Variants in MGAT4C observed in about 807,000 individuals in gnomAD.
The protein encoded by MGAT4C is alpha-1,3-mannosyl-glycoprotein 4-beta-N-acetylglucosaminyltransferase C.
A neutral mutation model predicts 40.1 loss-of-function variants in MGAT4C; 19 were observed. That is an observed-to-expected ratio of 0.47 (90% CI 0.33 to 0.70). The LOEUF is 0.70. Ranked by LOEUF, MGAT4C falls within the 30% of genes least tolerant of loss-of-function variation. The probability of loss-of-function intolerance (pLI) is 0.02; values close to 1 mark genes in which losing one functional copy is unlikely to be tolerated. For missense variants in MGAT4C, 491 were observed against 563.2 expected (o/e 0.87, Z 1.30); for synonymous variants, 181 against 187.1 (o/e 0.97, Z 0.27).
chr12:86,031,097 C>T (rs1890717071), intron 2 of MGAT4C, among the ~76,000 whole-genome samples: 1 of 151,338 alleles, frequency 6.6e-6, no homozygotes, highest in East Asian at 1.9e-4. Context: ...TGGTTCTCTT[C>T]ACATTATAAA....
intron 3 of MGAT4C, among the ~76,000 whole-genome samples, chr12:86,426,117 G>C (rs370206415): frequency 6.6e-6 from 1 of 151,994 alleles, no homozygotes; most frequent in Non-Finnish European, 1.5e-5. Context: ...AACTTATTTT[G>C]CAGTCATTCA....
chr12:86,512,741 G>T (rs1958613091), intron 2 of MGAT4C, among the ~76,000 whole-genome samples: 1 of 152,060 alleles, frequency 6.6e-6, no homozygotes, highest in Admixed American at 6.6e-5. Context: ...ACTCACAGAA[G>T]CAGAGGGTAG....
At chr12:86,550,955 C>A (rs138529370) in intron 2 of MGAT4C, among the ~76,000 whole-genome samples, 4 of 152,312 alleles carry the variant, frequency 2.6e-5, no homozygotes, top group African/African-American at 9.6e-5. Context: ...ATAATCAGGG[C>A]CGGGGAAACA....
In MGAT4C at chr12:86,389,665, C is replaced by T. The variant is rs193051502; in HGVS notation, c.-120+45492G>A. Among the ~76,000 whole-genome samples the T allele has an allele frequency of 3.8e-3, 581 of 152,210 alleles. 1 individual carries two copies. The highest frequency in any genetic ancestry group is 6.3e-3 in the Admixed American group (97 of 15,284). The stretch of plus-strand genomic sequence containing the variant: ...ACTAATTTACCCTAACAGTGTATAA[C>T]CAGAACTTGTAAATTATAAGGTGAA... On this transcript the variant is annotated intron_variant, in intron 3 of 7. Transcript: ENST00000548651.
intron 2 of MGAT4C, among the ~76,000 whole-genome samples, chr12:86,571,464 G>A (rs533338746): frequency 1.3e-5 from 2 of 152,114 alleles, no homozygotes; most frequent in Admixed American, 1.3e-4. Context: ...ATGCATTAAA[G>A]AAAACCTTGT....
intron 2 of MGAT4C, among the ~76,000 whole-genome samples, chr12:86,700,174 CAGACAGAT>C (rs1223134245): frequency 2.2e-3 from 306 of 140,858 alleles, no homozygotes; most frequent in African/African-American, 7.4e-3. Flanking sequence ...GACAGACAGA[CAGACAGAT>C]AGATAGATAG....
chr12:86,666,864 C>G (rs530638426), intron 2 of MGAT4C, among the ~76,000 whole-genome samples: 2 of 150,046 alleles, frequency 1.3e-5, no homozygotes, highest in African/African-American at 5.0e-5. Flanking sequence ...AAGTAGTAAA[C>G]AGATCATACC....
intron 2 of MGAT4C, among the ~76,000 whole-genome samples, chr12:86,493,899 G>C (rs1958185468): frequency 6.6e-6 from 1 of 152,054 alleles, no homozygotes; most frequent in South Asian, 2.1e-4. Context: ...TTGTGCATAT[G>C]CTGAGAATGT....
intron 3 of MGAT4C, among the ~76,000 whole-genome samples, chr12:86,401,201 T>C (rs1956354717): frequency 6.6e-6 from 1 of 151,858 alleles, no homozygotes; most frequent in African/African-American, 2.4e-5. Flanking sequence ...ATATAAACTT[T>C]CAAAGGTCCC....
chr12:86,428,921 CTT>C (rs905893321), intron 3 of MGAT4C, among the ~76,000 whole-genome samples: 3 of 151,800 alleles, frequency 2.0e-5, no homozygotes, highest in Admixed American at 6.6e-5. Flanking sequence ...CTTTTTATCT[CTT>C]GTGTTGCTTT....
intron 2 of MGAT4C, among the ~76,000 whole-genome samples, chr12:86,541,958 ATGT>A (rs560167927): frequency 6.6e-5 from 10 of 152,204 alleles, no homozygotes; most frequent in Non-Finnish European, 1.5e-4. Context: ...GTTCCCAATG[ATGT>A]TGATAAAGGA....
chr12:86,441,894 G>A (rs1054551108), intron 2 of MGAT4C, among the ~76,000 whole-genome samples: 1 of 151,938 alleles, frequency 6.6e-6, no homozygotes, highest in African/African-American at 2.4e-5. Context: ...GGATCCTCAA[G>A]TTCTAGATCC....
At chr12:86,767,604 G>A (rs1295902160) in intron 1 of MGAT4C, among the ~76,000 whole-genome samples, 1 of 152,142 alleles carries the variant, frequency 6.6e-6, no homozygotes, top group Non-Finnish European at 1.5e-5. Context: ...GAACACTGAT[G>A]CAAAAATCCT....
chr12:86,518,781 A>T (rs1263959037), intron 2 of MGAT4C, among the ~76,000 whole-genome samples: 1 of 152,210 alleles, frequency 6.6e-6, no homozygotes, highest in East Asian at 1.9e-4. Context: ...GGAAGCAAAC[A>T]TCTGTCAAAC....
intron 1 of MGAT4C, among the ~76,000 whole-genome samples, chr12:86,837,208 C>T (rs1427727876): frequency 6.6e-6 from 1 of 151,778 alleles, no homozygotes; most frequent in Non-Finnish European, 1.5e-5. Flanking sequence ...TGGAGGAATC[C>T]GTAGGGAAAT....
chr12:86,389,256 T>C (rs1592778159), intron 3 of MGAT4C, among the ~76,000 whole-genome samples: 1 of 152,156 alleles, frequency 6.6e-6, no homozygotes, highest in South Asian at 2.1e-4. Context: ...CCATGTGTTG[T>C]CATCATTTAG....
At chr12:86,733,315 C>T (rs1257674297) in intron 1 of MGAT4C, among the ~76,000 whole-genome samples, 4 of 151,922 alleles carry the variant, frequency 2.6e-5, no homozygotes, top group African/African-American at 9.7e-5. Flanking sequence ...TTTTAGAATT[C>T]CCTAATAACC....
At chr12:86,180,606 T>C (rs1325057338) in intron 1 of MGAT4C, among the ~76,000 whole-genome samples, 1 of 152,212 alleles carries the variant, frequency 6.6e-6, no homozygotes, top group African/African-American at 2.4e-5. Context: ...ATGTGAGACC[T>C]GGAGTCAAAG....
At chr12:86,299,312 T>G (rs957726070) in intron 4 of MGAT4C, among the ~76,000 whole-genome samples, 2 of 151,868 alleles carry the variant, frequency 1.3e-5, no homozygotes, top group Admixed American at 1.3e-4. Flanking sequence ...AGAGACGGGG[T>G]TTTACCGTGT....
Sources: allele counts gnomAD v4.1 joint callset (sites outside exome capture counted in the v4.1 genomes callset), GRCh38; gene constraint gnomAD v4.1.1; transcripts MANE v1.5; gene names NCBI Gene and HGNC (gene_info 2026-07-23, HGNC 2026-07-21).